LARGE1: variants seen among roughly 807,000 people sequenced by gnomAD.
LARGE1 encodes the protein xylosyl- and glucuronyltransferase LARGE1.
In LARGE1, 43 loss-of-function variants were observed where a neutral mutation model predicts 87.6. That is an observed-to-expected ratio of 0.49 (90% confidence interval 0.38 to 0.63). LARGE1 has a LOEUF of 0.63. Among genes scored for constraint, LARGE1 ranks in the 30% least tolerant of loss-of-function variants. LARGE1 has a pLI of 0.00. For synonymous variants in LARGE1, 434 were observed against 394.6 expected (o/e 1.10, Z -1.18); for missense variants, 802 against 1,000.2 (o/e 0.80, Z 2.67).
intron 1 of LARGE1, among the ~76,000 whole-genome samples, chr22:33,807,228 T>G (rs1288366270): frequency 1.3e-5 from 2 of 152,160 alleles, no homozygotes; most frequent in African/African-American, 4.8e-5. Flanking sequence ...ATCTGCACAA[T>G]CAGGAGGACA....
chr22:33,844,846 G>A (rs1346765693), intron 1 of LARGE1, among the ~76,000 whole-genome samples: 2 of 151,488 alleles, frequency 1.3e-5, no homozygotes, highest in Non-Finnish European at 2.9e-5. Flanking sequence ...TCAGCCTCCT[G>A]AGTGGCTGAG....
intron 1 of LARGE1, among the ~76,000 whole-genome samples, chr22:33,841,955 C>T (rs1177301993): frequency 1.3e-5 from 2 of 152,184 alleles, no homozygotes; most frequent in African/African-American, 4.8e-5. Context: ...CACAAAAAGT[C>T]CTCCAAACTG....
chr22:33,075,322 C>G, the LARGE1 span, among the ~76,000 whole-genome samples: 1 of 151,992 alleles, frequency 6.6e-6, no homozygotes, highest in Non-Finnish European at 1.5e-5. Flanking sequence ...AGAATTTCAT[C>G]AGTAGTGACA....
exon 12 of LARGE1, chr22:33,166,154 C>G (rs541067720): frequency 6.6e-6 from 1 of 152,198 alleles, no homozygotes; most frequent in Admixed American, 6.5e-5. Context: ...TTCAAATATC[C>G]CCTTTCTGTT....
chr22:33,609,506 G>C (rs893920094), intron 4 of LARGE1, among the ~76,000 whole-genome samples: 2 of 152,184 alleles, frequency 1.3e-5, no homozygotes, highest in Non-Finnish European at 2.9e-5. Context: ...CAATTAAATG[G>C]GAGCTCTAAA....
intron 6 of LARGE1, among the ~76,000 whole-genome samples, chr22:33,480,474 T>C (rs537982880): frequency 9.6e-4 from 146 of 152,266 alleles, no homozygotes; most frequent in African/African-American, 3.4e-3. Flanking sequence ...GTGAGCCCCG[T>C]AGAGGTTCCT....
chr22:33,731,306 C>A (rs2083460320), intron 2 of LARGE1, among the ~76,000 whole-genome samples: 1 of 152,236 alleles, frequency 6.6e-6, no homozygotes. Context: ...CCCAGCCCGG[C>A]CTGCATTTCT....
At chr22:33,172,067 T>C (rs1922605274) in intron 11 of LARGE1, among the ~76,000 whole-genome samples, 5 of 152,220 alleles carry the variant, frequency 3.3e-5, no homozygotes, top group Admixed American at 3.3e-4. Context: ...ATGTGAGACA[T>C]GGAATCAAAG....
chr22:33,135,323 G>A, the LARGE1 span, among the ~76,000 whole-genome samples: 2 of 152,248 alleles, frequency 1.3e-5, no homozygotes, highest in East Asian at 3.9e-4. Context: ...GGATATCCAG[G>A]TGTTGTCCTG....
At chr22:33,916,717 T>G (rs546655189) in intron 1 of LARGE1, among the ~76,000 whole-genome samples, 12 of 152,274 alleles carry the variant, frequency 7.9e-5, no homozygotes, top group Non-Finnish European at 1.8e-4. Context: ...AAAAGACACC[T>G]TCATCTTGTT....
intron 6 of LARGE1, among the ~76,000 whole-genome samples, chr22:33,448,042 T>C (rs2067759254): frequency 1.3e-5 from 2 of 151,022 alleles, no homozygotes; most frequent in African/African-American, 4.9e-5. Context: ...ATATTCGGAA[T>C]AGCCAAATTC....
At chr22:33,539,833 C>CCCT (rs760898123) in intron 6 of LARGE1, among the ~76,000 whole-genome samples, 9 of 152,052 alleles carry the variant, frequency 5.9e-5, no homozygotes, top group Non-Finnish European at 1.3e-4. Context: ...ACCTGCCTTG[C>CCCT]CCTCCCAAAG....
chr22:33,647,776 G>C (rs924032205), intron 3 of LARGE1, among the ~76,000 whole-genome samples: 2 of 150,238 alleles, frequency 1.3e-5, no homozygotes, highest in South Asian at 2.1e-4. Flanking sequence ...TTTTTCTTTT[G>C]AGACGGAGTT....
chr22:33,196,088 T>C (rs1199283672), intron 11 of LARGE1, among the ~76,000 whole-genome samples: 3 of 138,960 alleles, frequency 2.2e-5, no homozygotes, highest in African/African-American at 8.2e-5. Flanking sequence ...ACCACCTTTA[T>C]GAACCAGAAA....
downstream of LARGE1, among the ~76,000 whole-genome samples, chr22:33,268,588 C>T (rs1260223081): frequency 3.3e-5 from 5 of 151,864 alleles, no homozygotes; most frequent in Admixed American, 6.6e-5. Flanking sequence ...CCACCACGCC[C>T]GGCTAATTTT....
intron 6 of LARGE1, among the ~76,000 whole-genome samples, chr22:33,550,142 TAC>T (rs5845093): frequency 0.053 from 7,587 of 142,184 alleles, 227 homozygotes; most frequent in African/African-American, 0.085. Context: ...ACTTAAAGTA[TAC>T]ACACACACAC....
intron 11 of LARGE1, among the ~76,000 whole-genome samples, chr22:33,214,238 C>T (rs1302576279): frequency 6.6e-6 from 1 of 152,086 alleles, no homozygotes; most frequent in Non-Finnish European, 1.5e-5. Flanking sequence ...GGTCTCTCTT[C>T]TTCACTTGTA....
intron 1 of LARGE1, among the ~76,000 whole-genome samples, chr22:33,817,367 C>T (rs928273971): frequency 3.3e-5 from 5 of 152,110 alleles, no homozygotes; most frequent in African/African-American, 1.2e-4. Context: ...TCATTTAATG[C>T]TTGAAATAGC....
intron 10 of LARGE1, among the ~76,000 whole-genome samples, chr22:33,333,020 TTTTTTGGACGGAG>T (rs1937941206): frequency 6.7e-6 from 1 of 149,938 alleles, no homozygotes; most frequent in South Asian, 2.1e-4. Flanking sequence ...GTCCTTTTTT[TTTTTTGGACGGAG>T]TCTCACTCTG....
Sources: gnomAD v4.1 joint callset for allele counts (sites outside exome capture counted in the v4.1 genomes callset) on GRCh38, gnomAD v4.1.1 for gene constraint, MANE v1.5 for transcripts, NCBI Gene and HGNC (gene_info 2026-07-23, HGNC 2026-07-21) for gene names.